The following EML4 variants were observed in gnomAD, a reference collection of about 807,000 sequenced individuals.
EML4 encodes EMAP like 4.
Under a neutral mutation model 129.0 loss-of-function variants are expected in EML4, and 72 were observed. The observed-to-expected ratio is 0.56, with a 90% CI of 0.46 to 0.68. EML4 has a LOEUF of 0.68. Ranked by LOEUF, EML4 falls within the 30% of genes least tolerant of loss-of-function variation. The pLI, the probability that EML4 is intolerant of heterozygous loss-of-function variation, is 0.00. For synonymous variants in EML4, 532 were observed against 405.0 expected (o/e 1.31, Z -3.77); for missense variants, 1,363 against 1,190.6 (o/e 1.14, Z -2.13).
At chr2:42,237,318 T>C (rs1465320616) in intron 1 of EML4, among the ~76,000 whole-genome samples, 3 of 152,224 alleles carry the variant, frequency 2.0e-5, no homozygotes, top group African/African-American at 7.2e-5. Flanking sequence ...ATTATGTCTT[T>C]TGGAGACCAA....
At chr2:42,173,135 C>G (rs1256870188) in intron 1 of EML4, among the ~76,000 whole-genome samples, 1 of 152,150 alleles carries the variant, frequency 6.6e-6, no homozygotes, top group South Asian at 2.1e-4. Context: ...AACTTATGGA[C>G]TATTCAGAAA....
chr2:42,178,427 C>A (rs1406767422), intron 1 of EML4, among the ~76,000 whole-genome samples: 1 of 151,934 alleles, frequency 6.6e-6, no homozygotes, highest in Non-Finnish European at 1.5e-5. Context: ...TGGTGCATGC[C>A]CAGCTCCTTG....
chr2:42,308,227 G>T (rs1442807686), intron 17 of EML4, among the ~76,000 whole-genome samples: 2 of 152,160 alleles, frequency 1.3e-5, no homozygotes, highest in Non-Finnish European at 2.9e-5. Context: ...ATGCTGCAGG[G>T]CACAGTGGCT....
intron 1 of EML4, among the ~76,000 whole-genome samples, chr2:42,209,820 T>C (rs1437091262): frequency 6.6e-6 from 1 of 152,080 alleles, no homozygotes; most frequent in African/African-American, 2.4e-5. Flanking sequence ...TCCCAGCTGC[T>C]TGGGAGGCTG....
intron 1 of EML4, among the ~76,000 whole-genome samples, chr2:42,178,128 AAGAT>A (rs769892537): frequency 8.5e-5 from 13 of 152,236 alleles, no homozygotes; most frequent in Non-Finnish European, 1.5e-4. Context: ...CAGCAGCAGA[AAGAT>A]ATTTATTAGT....
intron 1 of EML4, among the ~76,000 whole-genome samples, chr2:42,218,958 T>C (rs1380392307): frequency 6.6e-6 from 1 of 152,136 alleles, no homozygotes; most frequent in East Asian, 1.9e-4. Flanking sequence ...ACTGCAGCAC[T>C]TGACTTAGTA....
chr2:42,196,605 T>G (rs1671909272), intron 1 of EML4, among the ~76,000 whole-genome samples: 1 of 152,210 alleles, frequency 6.6e-6, no homozygotes, highest in Non-Finnish European at 1.5e-5. Context: ...GCGAGAAGAT[T>G]AGAGGCTTAC....
intron 1 of EML4, among the ~76,000 whole-genome samples, chr2:42,199,601 G>A (rs74910855): frequency 0.013 from 1,976 of 152,270 alleles, 53 homozygotes; most frequent in African/African-American, 0.044. Context: ...TTTTGACTCA[G>A]CTGGAATGGA....
intron 6 of EML4, among the ~76,000 whole-genome samples, chr2:42,272,985 G>T (rs2104431401): frequency 6.6e-6 from 1 of 152,186 alleles, no homozygotes; most frequent in South Asian, 2.1e-4. Context: ...TTATATACAG[G>T]TTTTTAATGT....
chr2:42,284,313 A>C (rs554835046), intron 8 of EML4, among the ~76,000 whole-genome samples: 2 of 152,234 alleles, frequency 1.3e-5, no homozygotes, highest in African/African-American at 4.8e-5. Flanking sequence ...TCACTATAAT[A>C]AAGTCGTGTG....
At chr2:42,179,224 A>T (rs1487845579) in intron 1 of EML4, among the ~76,000 whole-genome samples, 1 of 150,820 alleles carries the variant, frequency 6.6e-6, no homozygotes, top group African/African-American at 2.4e-5. Flanking sequence ...TAAACTCCAG[A>T]TGGGGAACAT....
In EML4 at chr2:42,330,183, G is replaced by C. The variant is rs1179456427; in HGVS notation, c.2922G>C (p.Gln974His). 8.7e-6 allele frequency: 14 copies of C among 1,612,508 alleles called. No individual in the cohort carries two copies. The highest frequency in any genetic ancestry group is 1.2e-5 in the Non-Finnish European group (14 of 1,179,816). The change falls in exon 23 of 23, where the codon CAG becomes CAC. Residue 974 changes from glutamine to histidine, a missense_variant. Physicochemically the swap from Gln to His is conservative, Grantham distance 24 (BLOSUM62 0). Transcript: ENST00000318522. Reference protein sequence around the residue: ...EQAKATLLEDQQDPSPSS With the variant: ...EQAKATLLEDHQDPSPSS ...CCAAAGCCACCCTTCTGGAGGACCAGCAAGACCCTTCGCCCTCGTCCTAAC... is the reference window on the plus strand; with the variant it reads ...CCAAAGCCACCCTTCTGGAGGACCACCAAGACCCTTCGCCCTCGTCCTAAC...
rs564750858 is a variant in EML4 at position 42,286,273 on chromosome 2, T to A, written c.1016T>A (p.Leu339Gln). ...TGCTGTCTTGTGTTTTTGCAGCCTC[T>A]ACAACCCCACGTCAGAGTGTGGGAT... ...IAGVDKDGRPLQPHVRVWDSV... is the reference protein window; with the variant it reads ...IAGVDKDGRPQQPHVRVWDSV... Residue 339 changes from leucine to glutamine, a missense_variant, in exon 10 of 23, where the codon CTA (leucine) becomes CAA (glutamine). By Grantham distance (113) the Leu-to-Gln change is moderately radical (BLOSUM62 -2). Coordinates refer to ENST00000318522, the MANE Select transcript of EML4 (RefSeq NM_019063.5). 2.5e-6 allele frequency: 4 copies of A among 1,609,444 alleles called. No homozygotes were observed. The East Asian group carries it at 8.9e-5, about 36-fold the overall frequency.
rs1670088260 is a variant in EML4, at chr2:42,331,317, T to G, written c.*1110T>G. On this transcript the variant is annotated 3_prime_UTR_variant, in exon 23 of 23. Coordinates refer to ENST00000318522, the MANE Select transcript of EML4 (RefSeq NM_019063.5). ...ACTTAACAGACTTGCTGTGTAGCAG[T>G]TTTTTTCTGGTGGAGTTGCTGTAAG... The G allele has an allele frequency of 4.5e-6, 1 of 223,300 alleles. No individual in the cohort carries two copies. Among genetic ancestry groups the G allele is most frequent in the Admixed American group, 5.7e-5 (1 of 17,416 alleles). 13.8% of individuals were successfully genotyped at this position (223,300 alleles called of 1,614,324 possible). A position where few individuals can be genotyped will look rare whatever the true frequency, so the allele number is the denominator to read the frequency against.
At chr2:42,203,909 C>T (rs917339613) in intron 1 of EML4, among the ~76,000 whole-genome samples, 3 of 152,000 alleles carry the variant, frequency 2.0e-5, no homozygotes, top group African/African-American at 4.8e-5. Flanking sequence ...CTCCTTTATA[C>T]GATACTGTTA....
intron 1 of EML4, among the ~76,000 whole-genome samples, chr2:42,214,862 A>C (rs1327658185): frequency 6.6e-6 from 1 of 152,190 alleles, no homozygotes; most frequent in East Asian, 1.9e-4. Flanking sequence ...CCAGGAAAAC[A>C]GTCTTAGATT....
intron 2 of EML4, among the ~76,000 whole-genome samples, chr2:42,252,951 A>G (rs1265877167): frequency 6.6e-6 from 1 of 152,102 alleles, no homozygotes; most frequent in Non-Finnish European, 1.5e-5. Flanking sequence ...GAAGATTTTG[A>G]ATTCCTTGAT....
chr2:42,309,034 C>A (rs896068322), intron 17 of EML4, among the ~76,000 whole-genome samples: 3 of 152,166 alleles, frequency 2.0e-5, no homozygotes, highest in African/African-American at 4.8e-5. Context: ...TACATTCATA[C>A]ATGAGCTTTA....
intron 8 of EML4, 33 bp from the exon 9 acceptor site, chr2:42,284,601 G>A (rs999891121): frequency 2.6e-6 from 4 of 1,510,422 alleles, no homozygotes; most frequent in Middle Eastern, 1.7e-4. Flanking sequence ...CATGTTTCCT[G>A]TGTTTAAAAT....
Sources: gnomAD v4.1 joint callset for allele counts (sites outside exome capture counted in the v4.1 genomes callset) on GRCh38, gnomAD v4.1.1 for gene constraint, MANE v1.5 for transcripts, NCBI Gene and HGNC (gene_info 2026-07-23, HGNC 2026-07-21) for gene names.